CHST8: variants seen among roughly 807,000 people sequenced by gnomAD.
CHST8 encodes GALNAC-4-ST1.
CHST8 carries 10 observed loss-of-function variants against 15.0 expected under a neutral mutation model. The observed-to-expected ratio is 0.67, with a 90% CI of 0.41 to 1.13. The LOEUF (loss-of-function observed/expected upper bound fraction) is 1.13. Ranked by LOEUF, CHST8 falls within the 50% of genes most tolerant of loss-of-function variation. The probability of loss-of-function intolerance (pLI) is 0.00; values close to 1 mark genes in which losing one functional copy is unlikely to be tolerated. For missense variants in CHST8, 634 were observed against 608.2 expected, an observed-to-expected ratio of 1.04 and a Z score of -0.45; for synonymous variants, 259 against 256.6, an observed-to-expected ratio of 1.01 and a Z score of -0.09.
chr19:33,745,516 GCT>G (rs1293535252), intron 3 of CHST8, among the ~76,000 whole-genome samples: 1 of 152,210 alleles, frequency 6.6e-6, no homozygotes, highest in Admixed American at 6.5e-5. Flanking sequence ...CTTAGCATCT[GCT>G]CTCTCTGCCC....
At position 33,657,153 on chromosome 19, in the gene CHST8, ACAC is replaced by A. The variant is rs1972518954; in HGVS notation, c.-163-10613_-163-10611del. On this transcript the variant is annotated intron_variant, in intron 1 of 4. Coordinates refer to ENST00000650847, the MANE Select transcript of CHST8 (RefSeq NM_001127895.2). ...CACACACACACACACACACACACAC[ACAC>A]AAACACACATATACTTATACACACA... Among the ~76,000 whole-genome samples, 6 of 147,404 alleles carry A rather than the reference ACAC, an allele frequency of 4.1e-5. No individual in the cohort carries two copies. The South Asian group carries it at 8.4e-4, about 21-fold the overall frequency.
chr19:33,727,246 C>G (rs1599591748), intron 3 of CHST8, among the ~76,000 whole-genome samples: 1 of 152,212 alleles, frequency 6.6e-6, no homozygotes, highest in East Asian at 1.9e-4. Flanking sequence ...GCATCCCCTT[C>G]TGGAAATCTT....
At chr19:33,716,890 C>T (rs988026532) in intron 3 of CHST8, among the ~76,000 whole-genome samples, 1 of 152,156 alleles carries the variant, frequency 6.6e-6, no homozygotes, top group African/African-American at 2.4e-5. Context: ...TCTTCTGGGA[C>T]CTTTCTCCTG....
At chr19:33,750,052 G>A (rs970533171) in intron 3 of CHST8, among the ~76,000 whole-genome samples, 4 of 152,228 alleles carry the variant, frequency 2.6e-5, no homozygotes, top group Admixed American at 1.3e-4. Context: ...AACGCCCTGA[G>A]ACGGGCCAGA....
rs752123545 is a variant in CHST8, at chr19:33,772,571, C to T, written c.783C>T (p.Phe261=). The T allele has an allele frequency of 1.1e-5, 17 of 1,614,108 alleles. No individual in the cohort carries two copies. The highest frequency in any genetic ancestry group is 1.4e-5 in the Non-Finnish European group (17 of 1,180,042). The change falls in exon 5 of 5, where the codon TTC becomes TTT. Residue 261 remains phenylalanine (F), a synonymous_variant. Coordinates refer to ENST00000650847, the MANE Select transcript of CHST8 (RefSeq NM_001127895.2). ...YTKMLFVREP[F]ERLVSAFRDK... is the part of the protein sequence containing the mutation. ...AGATGCTCTTTGTCCGCGAGCCCTTCGAGAGGCTGGTGTCCGCCTTCCGCG... is the reference window on the plus strand; with the variant it reads ...AGATGCTCTTTGTCCGCGAGCCCTTTGAGAGGCTGGTGTCCGCCTTCCGCG...
chr19:33,725,921 TG>T (rs1973888497), intron 3 of CHST8, among the ~76,000 whole-genome samples: 1 of 152,178 alleles, frequency 6.6e-6, no homozygotes, highest in South Asian at 2.1e-4. Context: ...CTGGAGACAC[TG>T]GGAATGGGGC....
intron 1 of CHST8, among the ~76,000 whole-genome samples, chr19:33,633,275 G>A (rs1437225184): frequency 1.3e-5 from 2 of 152,170 alleles, no homozygotes; most frequent in Non-Finnish European, 2.9e-5. Context: ...CCATCATGTG[G>A]GTAGACCCTA....
chr19:33,655,273 G>A (rs1267267810), intron 1 of CHST8, among the ~76,000 whole-genome samples: 1 of 152,136 alleles, frequency 6.6e-6, no homozygotes. Flanking sequence ...CTAATCTCAA[G>A]AGATCTGCCC....
intron 3 of CHST8, among the ~76,000 whole-genome samples, chr19:33,755,604 G>A (rs1974530184): frequency 6.6e-6 from 1 of 152,226 alleles, no homozygotes; most frequent in Non-Finnish European, 1.5e-5. Flanking sequence ...AGGCTTGTTT[G>A]TTTCCCGGAA....
intron 1 of CHST8, among the ~76,000 whole-genome samples, chr19:33,664,272 T>TTTTA (rs981421388): frequency 9.9e-5 from 15 of 152,124 alleles, no homozygotes; most frequent in Middle Eastern, 3.4e-3. Context: ...GGATTTTCTT[T>TTTTA]TTTATTTATT....
intron 3 of CHST8, among the ~76,000 whole-genome samples, chr19:33,690,573 G>A (rs991821878): frequency 9.2e-5 from 14 of 152,226 alleles, no homozygotes; most frequent in African/African-American, 2.4e-4. Flanking sequence ...CGAATGAGTT[G>A]AGAGTCAGAG....
chr19:33,704,278 C>A (rs1973400714), intron 3 of CHST8, among the ~76,000 whole-genome samples: 1 of 152,228 alleles, frequency 6.6e-6, no homozygotes, highest in South Asian at 2.1e-4. Flanking sequence ...GATGGAGTCC[C>A]AAGACCCCAT....
intron 3 of CHST8, among the ~76,000 whole-genome samples, chr19:33,737,188 A>G (rs4805932): frequency 0.019 from 2,856 of 152,310 alleles, 34 homozygotes; most frequent in Non-Finnish European, 0.027. Flanking sequence ...CATAAAAATA[A>G]TCAACCAGCA....
At chr19:33,720,436 A>G (rs1284655702) in intron 3 of CHST8, among the ~76,000 whole-genome samples, 2 of 151,244 alleles carry the variant, frequency 1.3e-5, no homozygotes, top group Non-Finnish European at 3.0e-5. Flanking sequence ...CACCACACAT[A>G]TATACCACAC....
At chr19:33,757,460 A>AGAGAG (rs1974589343) in intron 3 of CHST8, among the ~76,000 whole-genome samples, 2 of 39,110 alleles carry the variant, frequency 5.1e-5, no homozygotes, top group Non-Finnish European at 1.1e-4. Context: ...GAAAGAAAGA[A>AGAGAG]AGAAAGAAAG....
chr19:33,629,365 T>C (rs899111924), intron 1 of CHST8, among the ~76,000 whole-genome samples: 2 of 152,236 alleles, frequency 1.3e-5, no homozygotes, highest in Non-Finnish European at 2.9e-5. Flanking sequence ...TCCTCTCTTA[T>C]ACCCTTTTCT....
chr19:33,650,507 CT>C (rs74174678), intron 1 of CHST8, among the ~76,000 whole-genome samples: 9,931 of 54,444 alleles, frequency 0.18, 584 homozygotes, highest in Middle Eastern at 0.32. Flanking sequence ...TTTTCTTTTT[CT>C]TTTTCTTTTC....
chr19:33,772,945 G>A lies in CHST8; in HGVS notation c.1157G>A (p.Arg386Lys), dbSNP rs1274492989. 6.2e-7 allele frequency: 1 copy of A among 1,613,500 alleles called. No individual in the cohort carries two copies. Among genetic ancestry groups the A allele is most frequent in the South Asian group, 1.1e-5 (1 of 91,090 alleles). The change falls in exon 5 of 5, where the codon AGG (arginine) becomes AAG (lysine). Residue 386 changes from arginine to lysine, a missense_variant. Coordinates refer to ENST00000650847, the MANE Select transcript of CHST8 (RefSeq NM_001127895.2). The stretch of plus-strand genomic sequence containing the variant: ...TCGCAGGAGGCGCGGACCACAGCGA[G>A]GATCGCCCACCAGTACTTCGCCCAA... ...RHSQEARTTA[R>K]IAHQYFAQLS...
At chr19:33,623,025 C>T (rs1028915421) in intron 1 of CHST8, among the ~76,000 whole-genome samples, 2 of 152,190 alleles carry the variant, frequency 1.3e-5, no homozygotes, top group Non-Finnish European at 2.9e-5. Flanking sequence ...TCTGCAGACC[C>T]GCTCTGGCCT....
Sources: allele counts gnomAD v4.1 joint callset (sites outside exome capture counted in the v4.1 genomes callset), GRCh38; gene constraint gnomAD v4.1.1; transcripts MANE v1.5; gene names NCBI Gene and HGNC (gene_info 2026-07-23, HGNC 2026-07-21).